Variants in FHOD3 observed in about 807,000 individuals in gnomAD.
FHOD3 encodes the protein FH1/FH2 domain-containing protein 3.
Under a neutral mutation model 173.0 loss-of-function variants are expected in FHOD3, and 90 were observed. That is an observed-to-expected ratio of 0.52 (90% CI 0.44 to 0.62). The LOEUF (loss-of-function observed/expected upper bound fraction) is 0.62. Among genes scored for constraint, FHOD3 ranks in the 20% least tolerant of loss-of-function variants. FHOD3 has a pLI of 0.00. For missense variants in FHOD3, 1,945 were observed against 2,034.7 expected (o/e 0.96, Z 0.85); for synonymous variants, 828 against 823.0 (o/e 1.01, Z -0.10).
chr18:36,649,752 T>G (rs1372399352), intron 11 of FHOD3, among the ~76,000 whole-genome samples: 1 of 152,200 alleles, frequency 6.6e-6, no homozygotes, highest in Admixed American at 6.5e-5. Flanking sequence ...TCTTGCCCTT[T>G]CAGCATTGCA....
At chr18:36,660,725 G>A (rs986277572) in intron 14 of FHOD3, among the ~76,000 whole-genome samples, 2 of 152,194 alleles carry the variant, frequency 1.3e-5, no homozygotes, top group Non-Finnish European at 2.9e-5. Flanking sequence ...TGACATCCAG[G>A]GAGATGTTCC....
At position 36,716,309 on chromosome 18, in the gene FHOD3, G is replaced by A. The variant is rs150689137; in HGVS notation, c.2534-1523G>A. On this transcript the variant is annotated intron_variant, in intron 18 of 28. Transcript: ENST00000590592. Reference sequence around the variant, plus strand: ...TGCTGAGAAAAGCAGCTGGATTCTGGATATGACATGAAGGTGTAGCCAACA... The same window carrying A: ...TGCTGAGAAAAGCAGCTGGATTCTGAATATGACATGAAGGTGTAGCCAACA... Among the ~76,000 whole-genome samples the A allele has an allele frequency of 9.0e-3, 1,370 of 152,294 alleles. 20 individuals carry two copies. The highest frequency in any genetic ancestry group is 0.032 in the African/African-American group (1,326 of 41,558).
intron 8 of FHOD3, among the ~76,000 whole-genome samples, chr18:36,608,182 CAG>C (rs2032289733): frequency 6.6e-6 from 1 of 152,194 alleles, no homozygotes; most frequent in Non-Finnish European, 1.5e-5. Flanking sequence ...GTTGCTATAA[CAG>C]AATACCACAG....
intron 1 of FHOD3, among the ~76,000 whole-genome samples, chr18:36,353,913 T>C (rs943569199): frequency 2.1e-5 from 3 of 143,636 alleles, no homozygotes; most frequent in Non-Finnish European, 4.6e-5. Flanking sequence ...GGGCTCTGCT[T>C]TTTTCTAGGT....
At chr18:36,315,474 A>G (rs1369577400) in intron 1 of FHOD3, among the ~76,000 whole-genome samples, 1 of 151,834 alleles carries the variant, frequency 6.6e-6, no homozygotes, top group Non-Finnish European at 1.5e-5. Context: ...CACCCAGTGT[A>G]CAGAAGTTTT....
At chr18:36,298,253 G>A (rs1414451125) in intron 1 of FHOD3, among the ~76,000 whole-genome samples, 1 of 151,706 alleles carries the variant, frequency 6.6e-6, no homozygotes, top group Non-Finnish European at 1.5e-5. Flanking sequence ...AGCAGGTGCC[G>A]AGCCGGTCCG....
chr18:36,668,977 T>C (rs939867737), intron 14 of FHOD3, among the ~76,000 whole-genome samples: 4 of 152,066 alleles, frequency 2.6e-5, no homozygotes, highest in Non-Finnish European at 5.9e-5. Flanking sequence ...TAAAATGTTC[T>C]GTAGATGTCT....
chr18:36,541,652 G>T (rs1353942607), intron 5 of FHOD3, among the ~76,000 whole-genome samples: 4 of 152,218 alleles, frequency 2.6e-5, no homozygotes. Flanking sequence ...TGGAAAGTGA[G>T]TAGTCAGTAA....
chr18:36,754,088 A>G (rs1358033210), intron 24 of FHOD3, among the ~76,000 whole-genome samples: 1 of 152,222 alleles, frequency 6.6e-6, no homozygotes, highest in Admixed American at 6.5e-5. Flanking sequence ...TTTGGGTATC[A>G]TATCTAAGCA....
At chr18:36,668,391 A>C (rs1180953062) in intron 14 of FHOD3, among the ~76,000 whole-genome samples, 1 of 151,756 alleles carries the variant, frequency 6.6e-6, no homozygotes, top group Non-Finnish European at 1.5e-5. Context: ...TAATATTGGT[A>C]ATTTGTGTCT....
chr18:36,642,611 TAAAA>T (rs892190557), intron 10 of FHOD3, among the ~76,000 whole-genome samples: 6 of 144,692 alleles, frequency 4.1e-5, no homozygotes, highest in African/African-American at 1.3e-4. Flanking sequence ...AAAAAAAAAT[TAAAA>T]AAATCCTAAT....
intron 2 of FHOD3, among the ~76,000 whole-genome samples, chr18:36,371,175 A>T (rs575584581): frequency 2.4e-4 from 36 of 152,066 alleles, no homozygotes; most frequent in Non-Finnish European, 5.0e-4. Flanking sequence ...CTGAATGCAG[A>T]CTCTACTTGA....
chr18:36,771,392 G>T (rs955307592), intron 28 of FHOD3, among the ~76,000 whole-genome samples: 2 of 152,168 alleles, frequency 1.3e-5, no homozygotes, highest in African/African-American at 4.8e-5. Context: ...CTATCTGCAG[G>T]CTGTGAAATA....
Position 36,551,858 on chromosome 18 carries a change from C to G in FHOD3, c.512-24593C>G, listed in dbSNP as rs1056636686. 2.6e-5 allele frequency among the ~76,000 whole-genome samples: 4 copies of G among 151,964 alleles called. No individual in the cohort carries two copies. The South Asian group carries it at 8.3e-4, about 31-fold the overall frequency. On this transcript the variant is annotated intron_variant, in intron 5 of 28. Coordinates refer to ENST00000590592, the MANE Select transcript of FHOD3 (RefSeq NM_001281740.3). ...TCTGTTCTCTTCCATTGATCTATGT[C>G]TCTGTTTTGGTACCAGTACCATGCT...
chr18:36,510,308 G>A (rs1393383578), intron 4 of FHOD3, among the ~76,000 whole-genome samples: 2 of 152,120 alleles, frequency 1.3e-5, no homozygotes, highest in Non-Finnish European at 2.9e-5. Context: ...ATTTCTTAAT[G>A]CTCATATATT....
intron 23 of FHOD3, among the ~76,000 whole-genome samples, chr18:36,746,581 T>C (rs1487752008): frequency 6.6e-6 from 1 of 152,012 alleles, no homozygotes; most frequent in Non-Finnish European, 1.5e-5. Context: ...AAGAGAAATA[T>C]TATCGCTGAA....
intron 10 of FHOD3, among the ~76,000 whole-genome samples, chr18:36,648,140 A>G (rs1467585195): frequency 7.3e-5 from 11 of 150,332 alleles, no homozygotes; most frequent in Admixed American, 6.6e-4. Flanking sequence ...GAGGATGCAC[A>G]TGCATTAGGA....
At chr18:36,524,281 CAA>C (rs34510109) in intron 5 of FHOD3, among the ~76,000 whole-genome samples, 154 of 111,850 alleles carry the variant, frequency 1.4e-3, no homozygotes, top group Admixed American at 1.3e-3. Context: ...GGCTCTACCT[CAA>C]AAAAAAAAAA....
intron 5 of FHOD3, among the ~76,000 whole-genome samples, chr18:36,570,984 C>T (rs570858295): frequency 6.4e-4 from 97 of 152,194 alleles, no homozygotes; most frequent in Admixed American, 1.4e-3. Context: ...ACTCTCACCA[C>T]GCCCATTGAA....
Sources: allele counts gnomAD v4.1 joint callset (sites outside exome capture counted in the v4.1 genomes callset), GRCh38; gene constraint gnomAD v4.1.1; transcripts MANE v1.5; gene names NCBI Gene and HGNC (gene_info 2026-07-23, HGNC 2026-07-21).